The following SEC14L5 variants were observed in gnomAD, a reference collection of about 807,000 sequenced individuals.
SEC14L5 encodes SEC14-like protein 5.
A neutral mutation model predicts 84.6 loss-of-function variants in SEC14L5; 96 were observed. The ratio of observed to expected loss-of-function variants is 1.13; its 90% confidence interval spans 0.96 to 1.34. The LOEUF (loss-of-function observed/expected upper bound fraction) is 1.34, where lower values mean the gene tolerates loss of function less well. SEC14L5 is among the 40% of genes most tolerant of loss of function. SEC14L5 has a pLI of 0.00. For missense variants in SEC14L5, 1,224 were observed against 942.5 expected (o/e 1.30, Z -3.91); for synonymous variants, 546 against 383.4 (o/e 1.42, Z -4.95).
chr16:5,002,956 C>T (rs1219791047), intron 10 of SEC14L5, among the ~76,000 whole-genome samples: 3 of 152,182 alleles, frequency 2.0e-5, no homozygotes, highest in Non-Finnish European at 4.4e-5. Flanking sequence ...TGACCTTGAG[C>T]AGTAGGATAG....
intron 11 of SEC14L5, 25 bp from the exon 12 acceptor site, chr16:5,005,889 A>G: frequency 3.3e-6 from 5 of 1,508,550 alleles, no homozygotes; most frequent in Non-Finnish European, 4.4e-6. Flanking sequence ...AAAACCATCC[A>G]TCTTGCCTTA....
intron 13 of SEC14L5, among the ~76,000 whole-genome samples, chr16:5,007,869 G>A (rs530912416): frequency 6.1e-5 from 9 of 148,406 alleles, no homozygotes; most frequent in Admixed American, 4.1e-4. Flanking sequence ...GCCTCCCAAA[G>A]TTCTGGGATT....
In SEC14L5 at chr16:5,011,268, C is replaced by G. The variant is rs1446167242; in HGVS notation, c.1974C>G (p.Asp658Glu). 1 of 1,612,344 alleles carries G rather than the reference C, an allele frequency of 6.2e-7. No homozygotes were observed. The highest frequency in any genetic ancestry group is 8.5e-7 in the Non-Finnish European group (1 of 1,178,790). ...LYYCEVLASE[D>E]FRGSMSSLES... ...ACTGTGAGGTGCTCGCCTCTGAGGA[C>G]TTCAGGTAGGAGGGCTCCGGAGCGG... Residue 658 changes from aspartate (D) to glutamate (E), a missense_variant, in exon 15 of 16, where the codon GAC becomes GAG. Coordinates refer to ENST00000251170, the MANE Select transcript of SEC14L5 (RefSeq NM_014692.2).
intron 15 of SEC14L5, among the ~76,000 whole-genome samples, chr16:5,012,811 C>A (rs1230416684): frequency 6.6e-6 from 1 of 151,900 alleles, no homozygotes; most frequent in African/African-American, 2.4e-5. Context: ...AGGAGAATGC[C>A]TTGAACCCAG....
At chr16:4,963,601 C>T (rs1184984744) in intron 2 of SEC14L5, among the ~76,000 whole-genome samples, 1 of 152,222 alleles carries the variant, frequency 6.6e-6, no homozygotes, top group African/African-American at 2.4e-5. Flanking sequence ...CCGCCTTGGC[C>T]TCCCAAAGTG....
chr16:5,010,704 C>A (rs760985467), intron 14 of SEC14L5, among the ~76,000 whole-genome samples: 3 of 152,164 alleles, frequency 2.0e-5, no homozygotes, highest in Non-Finnish European at 4.4e-5. Flanking sequence ...TCTCCCTGAT[C>A]CCTCCACAAA....
chr16:5,005,011 A>G (rs1188150957), intron 11 of SEC14L5, among the ~76,000 whole-genome samples: 2 of 152,212 alleles, frequency 1.3e-5, no homozygotes, highest in Non-Finnish European at 2.9e-5. Context: ...TCTCCTTTAT[A>G]TGAAATGTGC....
chr16:5,007,195 G>C (rs1214347268), intron 12 of SEC14L5, among the ~76,000 whole-genome samples, 157 bp from the exon 13 acceptor site: 2 of 152,182 alleles, frequency 1.3e-5, no homozygotes, highest in African/African-American at 4.8e-5. Flanking sequence ...TGCATTGGTG[G>C]ACCTGGGGAT....
chr16:4,980,015 G>C (rs952182603), intron 2 of SEC14L5, among the ~76,000 whole-genome samples: 2 of 152,206 alleles, frequency 1.3e-5, no homozygotes, highest in African/African-American at 4.8e-5. Context: ...CAGTGATTCA[G>C]GGTTGTCGTC....
chr16:4,997,832 C>G (rs1228803659), intron 8 of SEC14L5, among the ~76,000 whole-genome samples: 2 of 152,064 alleles, frequency 1.3e-5, no homozygotes, highest in East Asian at 1.9e-4. Flanking sequence ...GGCAGCTTCA[C>G]TCCAGTCTCT....
At position 5,015,284 on chromosome 16, in the gene SEC14L5, C is replaced by A. The variant is rs993569185; in HGVS notation, c.*314C>A. ...TTAGCGACGTCAGCCAGGCCCATCT[C>A]CTCTCTGTCCACCTCTTGCTCTGCT... On this transcript the variant is annotated 3_prime_UTR_variant, in exon 16 of 16. Transcript: ENST00000251170. 2 of 324,852 alleles carry A rather than the reference C, an allele frequency of 6.2e-6. No individual in the cohort carries two copies. The highest frequency in any genetic ancestry group is 1.1e-5 in the Non-Finnish European group (2 of 175,672). 20.1% of individuals were successfully genotyped at this position (324,852 alleles called of 1,614,324 possible).
chr16:4,996,755 A>G, intron 7 of SEC14L5, 100 bp from the exon 8 acceptor site: 1 of 881,408 alleles, frequency 1.1e-6, no homozygotes, highest in South Asian at 1.8e-5. Context: ...TACTTTTTGT[A>G]GAGATGGGGT....
In SEC14L5 at chr16:4,990,832, CT is replaced by C; in HGVS notation, c.414del (p.Phe138LeufsTer12). ...CTGCCTCACTGGACATTCGGTCTTTCTTTGGCTTTGAAAATGCCTTGGAGAA... is the reference window on the plus strand; with the variant it reads ...CTGCCTCACTGGACATTCGGTCTTTCTTGGCTTTGAAAATGCCTTGGAGAA... ...QSASLDIRSF[F>X]GFENALEKIA... On this transcript the variant is annotated frameshift_variant, in exon 5 of 16. Transcript: ENST00000251170. LOFTEE classifies it high-confidence loss of function. 1 of 1,611,964 alleles carries C rather than the reference CT, an allele frequency of 6.2e-7. No individual in the cohort carries two copies. The highest frequency in any genetic ancestry group is 8.5e-7 in the Non-Finnish European group (1 of 1,178,936).
chr16:5,007,245 G>A (rs1276344165), intron 12 of SEC14L5, 107 bp from the exon 13 acceptor site: 2 of 947,024 alleles, frequency 2.1e-6, no homozygotes, highest in Non-Finnish European at 3.2e-6. Flanking sequence ...TTCAGTAAGG[G>A]GTTGCAATTA....
At position 4,998,607 on chromosome 16, in the gene SEC14L5, G is replaced by A. The variant is rs965949343; in HGVS notation, c.970+1563G>A. Among the ~76,000 whole-genome samples, 15 of 149,040 alleles carry A rather than the reference G, an allele frequency of 1.0e-4. No individual in the cohort carries two copies. The East Asian group carries it at 2.8e-3, about 28-fold the overall frequency. Reference sequence around the variant, plus strand: ...CAAAAAATTAGCCGGGCGTAGTGGCGGGCGCCTGTAGTCCCAGCTACTTGG... The same window carrying A: ...CAAAAAATTAGCCGGGCGTAGTGGCAGGCGCCTGTAGTCCCAGCTACTTGG... On this transcript the variant is annotated intron_variant, in intron 8 of 15. Transcript: ENST00000251170.
chr16:4,993,676 T>C (rs1955576591), intron 6 of SEC14L5, among the ~76,000 whole-genome samples: 1 of 152,252 alleles, frequency 6.6e-6, no homozygotes. Context: ...TGTCTGTAAG[T>C]ATATACAAAG....
rs536758941 is a variant in SEC14L5, at chr16:4,988,364, T to C, written c.345+84T>C. 12 of 1,517,782 alleles carry C rather than the reference T, an allele frequency of 7.9e-6. No individual in the cohort carries two copies. In the Admixed American group the frequency reaches 2.3e-4, roughly 29 times the overall value. 94.0% of individuals were successfully genotyped at this position (1,517,782 alleles called of 1,614,324 possible). A position where few individuals can be genotyped will look rare whatever the true frequency, so the allele number is the denominator to read the frequency against. On this transcript the variant is annotated intron_variant, in intron 4 of 15. Coordinates refer to ENST00000251170, the MANE Select transcript of SEC14L5 (RefSeq NM_014692.2). ...CTGTGCCCAGAGCTGTGTCCCCACA[T>C]TCCTTGAGCCTCTGCCAAGCCCTCC...
intron 2 of SEC14L5, among the ~76,000 whole-genome samples, chr16:4,969,222 C>G (rs891451883): frequency 2.0e-5 from 3 of 152,234 alleles, no homozygotes; most frequent in African/African-American, 7.2e-5. Context: ...GTGTAAGGCC[C>G]TCGTGCATTC....
Position 5,008,521 on chromosome 16 carries a change from CCAGGCTGGG to C in SEC14L5, c.1675_1683del (p.Arg559_Gly561del). The C allele has an allele frequency of 1.9e-6, 3 of 1,609,812 alleles. No individual in the cohort carries two copies. Among genetic ancestry groups the C allele is most frequent in the Non-Finnish European group, 2.5e-6 (3 of 1,178,496 alleles). Reference sequence around the variant, plus strand: ...AGCCTGTACCACACCAAGCAGGCGCCCAGGCTGGGCGCCCGGGAACCGGGGACCAGGGCC... The same window carrying C: ...AGCCTGTACCACACCAAGCAGGCGCCCGCCCGGGAACCGGGGACCAGGGCC... On this transcript the variant is annotated inframe_deletion, in exon 14 of 16. Transcript: ENST00000251170.
Sources: allele counts gnomAD v4.1 joint callset (sites outside exome capture counted in the v4.1 genomes callset), GRCh38; gene constraint gnomAD v4.1.1; transcripts MANE v1.5; gene names NCBI Gene and HGNC (gene_info 2026-07-23, HGNC 2026-07-21).